RANBP2: variants seen among roughly 807,000 people sequenced by gnomAD.
RANBP2 encodes the protein E3 SUMO-protein ligase RanBP2.
A neutral mutation model predicts 303.6 loss-of-function variants in RANBP2; 57 were observed. The observed-to-expected ratio is 0.19, with a 90% CI of 0.15 to 0.23. The LOEUF is 0.23. Among genes scored for constraint, RANBP2 ranks in the 10% least tolerant of loss-of-function variants. The pLI is 1.00. For missense variants in RANBP2, 3,138 were observed against 3,780.8 expected, an observed-to-expected ratio of 0.83 and a Z score of 4.46; for synonymous variants, 1,167 against 1,301.5, an observed-to-expected ratio of 0.90 and a Z score of 2.23.
chr2:109,562,416 C>G, the RANBP2 span, among the ~76,000 whole-genome samples: 1 of 151,678 alleles, frequency 6.6e-6, no homozygotes, highest in Non-Finnish European at 1.5e-5. Flanking sequence ...CCTCCTCCCA[C>G]CCCTCAACAG....
At chr2:109,300,052 T>G in the RANBP2 span, among the ~76,000 whole-genome samples, 1 of 151,992 alleles carries the variant, frequency 6.6e-6, no homozygotes, top group African/African-American at 2.4e-5. Flanking sequence ...CATGGGTGAG[T>G]GAATGAACAA....
chr2:109,539,362 C>G, the RANBP2 span, among the ~76,000 whole-genome samples: 1 of 151,938 alleles, frequency 6.6e-6, no homozygotes, highest in African/African-American at 2.4e-5. Context: ...AGCCATGTGA[C>G]CACCACAATA....
the RANBP2 span, among the ~76,000 whole-genome samples, chr2:109,720,366 A>G: frequency 2.6e-5 from 4 of 152,034 alleles, no homozygotes; most frequent in Non-Finnish European, 5.9e-5. Flanking sequence ...CTTGCAACCT[A>G]TCAGTGGTTC....
the RANBP2 span, chr2:108,894,626 G>T: frequency 6.6e-6 from 1 of 152,622 alleles, no homozygotes; most frequent in African/African-American, 2.4e-5. Flanking sequence ...GCAGAATTAT[G>T]AATATCTCCA....
chr2:109,287,604 G>A, the RANBP2 span, among the ~76,000 whole-genome samples: 2 of 152,156 alleles, frequency 1.3e-5, no homozygotes, highest in South Asian at 2.1e-4. Context: ...ATACCCAGGC[G>A]CAGGTGGTTG....
At chr2:109,056,862 C>A in the RANBP2 span, among the ~76,000 whole-genome samples, 1 of 152,290 alleles carries the variant, frequency 6.6e-6, no homozygotes, top group Non-Finnish European at 1.5e-5. Context: ...ACATGGTCCT[C>A]CCAAGACCAA....
the RANBP2 span, among the ~76,000 whole-genome samples, chr2:109,098,009 A>G: frequency 6.6e-6 from 1 of 152,136 alleles, no homozygotes; most frequent in Non-Finnish European, 1.5e-5. Context: ...CTGGAAGGCA[A>G]AGCTTTTGCT....
chr2:108,763,423 T>C lies in RANBP2; in HGVS notation c.2884T>C (p.Phe962Leu). 4 of 1,614,064 alleles carry C rather than the reference T, an allele frequency of 2.5e-6. No homozygotes were observed. The highest frequency in any genetic ancestry group is 2.5e-6 in the Non-Finnish European group (3 of 1,179,980). Residue 962 changes from phenylalanine (F) to leucine (L), a missense_variant, in exon 20 of 29, where the codon TTT (phenylalanine) becomes CTT (leucine). Physicochemically the swap from Phe to Leu is conservative, Grantham distance 22. Around this residue, in one of 20 missense-constraint regions of RANBP2, gnomAD observed 403 missense variants for 376.7 expected, o/e 1.07. Coordinates refer to ENST00000283195, the MANE Select transcript of RANBP2 (RefSeq NM_006267.5). ...GILSPRGDDY[F>L]NYNVQQTSTN... Reference sequence around the variant, plus strand: ...TCTATCGCCCAGGGGTGATGATTACTTTAATTACAATGTTCAACAGACAAG... The same window carrying C: ...TCTATCGCCCAGGGGTGATGATTACCTTAATTACAATGTTCAACAGACAAG...
At chr2:109,339,367 G>T in the RANBP2 span, among the ~76,000 whole-genome samples, 1 of 152,088 alleles carries the variant, frequency 6.6e-6, no homozygotes. Flanking sequence ...GTTGAAATAA[G>T]GACCTACAAG....
At chr2:109,296,250 G>A in the RANBP2 span, among the ~76,000 whole-genome samples, 5 of 150,740 alleles carry the variant, frequency 3.3e-5, no homozygotes, top group Non-Finnish European at 5.9e-5. Flanking sequence ...TATTCGAGAT[G>A]GAGTTTCACT....
the RANBP2 span, among the ~76,000 whole-genome samples, chr2:109,119,080 G>T: frequency 6.6e-6 from 1 of 152,354 alleles, no homozygotes; most frequent in South Asian, 2.1e-4. Flanking sequence ...ATGAGGCTCT[G>T]ACCTGGCTTT....
chr2:109,319,656 A>G, the RANBP2 span, among the ~76,000 whole-genome samples: 1 of 151,914 alleles, frequency 6.6e-6, no homozygotes, highest in Non-Finnish European at 1.5e-5. Flanking sequence ...TCCCCTTATC[A>G]TCTCCTCCTC....
At chr2:109,408,852 G>T in the RANBP2 span, among the ~76,000 whole-genome samples, 5 of 152,202 alleles carry the variant, frequency 3.3e-5, no homozygotes, top group African/African-American at 4.8e-5. Flanking sequence ...TGATGGGTGC[G>T]CACAGGGAGG....
the RANBP2 span, among the ~76,000 whole-genome samples, chr2:109,643,375 G>A: frequency 6.6e-6 from 1 of 152,110 alleles, no homozygotes; most frequent in East Asian, 1.9e-4. Context: ...ATTCCCAGAC[G>A]GTTAAGCATT....
the RANBP2 span, chr2:109,398,579 T>G: frequency 6.5e-7 from 1 of 1,542,004 alleles, no homozygotes; most frequent in Non-Finnish European, 8.7e-7. Context: ...CCTCTCCCCT[T>G]TCTCACTCAG....
At chr2:109,490,668 T>G in the RANBP2 span, 4 of 1,517,032 alleles carry the variant, frequency 2.6e-6, no homozygotes, top group South Asian at 1.2e-5. Context: ...GAAGTCACGC[T>G]CCCCGCCATC....
the RANBP2 span, among the ~76,000 whole-genome samples, chr2:109,456,382 C>T: frequency 0.01 from 1,594 of 152,310 alleles, 19 homozygotes; most frequent in Non-Finnish European, 0.015. Context: ...AGCGTGAATC[C>T]CAGCTGCCAA....
the RANBP2 span, among the ~76,000 whole-genome samples, chr2:109,761,803 C>T: frequency 6.8e-6 from 1 of 147,716 alleles, no homozygotes; most frequent in African/African-American, 2.5e-5. Context: ...CTCTGTTCTG[C>T]CTCTGGTAAT....
chr2:109,151,156 C>T, the RANBP2 span, among the ~76,000 whole-genome samples: 1 of 152,162 alleles, frequency 6.6e-6, no homozygotes, highest in Non-Finnish European at 1.5e-5. Flanking sequence ...TTGATGGGTT[C>T]TTGATTCACA....
Sources: allele counts gnomAD v4.1 joint callset (sites outside exome capture counted in the v4.1 genomes callset), GRCh38; gene constraint gnomAD v4.1.1; regional missense constraint gnomAD v4.1.1; transcripts MANE v1.5; gene names NCBI Gene and HGNC (gene_info 2026-07-23, HGNC 2026-07-21).